Variants in ODAD3 observed in about 807,000 individuals in gnomAD.
ODAD3 encodes outer dynein arm docking complex subunit 3.
A neutral mutation model predicts 70.9 loss-of-function variants in ODAD3; 57 were observed. That is an observed-to-expected ratio of 0.80 (90% CI 0.65 to 1.00). ODAD3 has a LOEUF of 1.00. ODAD3 is among the 50% of genes least tolerant of loss of function. The probability of loss-of-function intolerance (pLI) is 0.00; values close to 1 mark genes in which losing one functional copy is unlikely to be tolerated. For synonymous variants in ODAD3, 327 were observed against 315.9 expected (o/e 1.04, Z -0.37); for missense variants, 797 against 763.9 (o/e 1.04, Z -0.51).
upstream of ODAD3, chr19:11,435,739 C>T: frequency 1.5e-6 from 2 of 1,350,442 alleles, no homozygotes; most frequent in Non-Finnish European, 1.9e-6. Context: ...GAGGGCACCT[C>T]AGTTTCTTAC....
intron 3 of ODAD3, 178 bp downstream of exon 3, chr19:11,430,521 C>T (rs1471428005): frequency 1.6e-6 from 1 of 638,528 alleles, no homozygotes; most frequent in Non-Finnish European, 2.8e-6. Context: ...TTTTTCACTG[C>T]ATTTACTACC....
chr19:11,428,373 C>T (rs550633875), intron 3 of ODAD3, among the ~76,000 whole-genome samples: 38 of 152,128 alleles, frequency 2.5e-4, no homozygotes, highest in Non-Finnish European at 8.8e-5. Flanking sequence ...TCCTCAGTTG[C>T]TGGGACCACA....
rs1018335601 is a variant in ODAD3, at chr19:11,425,371, A to G, written c.963+773T>C. ...TATATGTGTATATGTACATATGTGT[A>G]TATATGTGTGTATGTACATATGTGT... On this transcript the variant is annotated intron_variant, in intron 7 of 12. Coordinates refer to ENST00000356392, the MANE Select transcript of ODAD3 (RefSeq NM_145045.5). 2.0e-4 allele frequency among the ~76,000 whole-genome samples: 26 copies of G among 132,880 alleles called. 3 individuals are homozygous for G. The East Asian group carries it at 2.4e-3, about 12-fold the overall frequency. The allele number at this position is 132,880 out of a possible 152,430, so 87.2% of individuals were successfully genotyped here. A position where few individuals can be genotyped will look rare whatever the true frequency, so the allele number is the denominator to read the frequency against.
At chr19:11,432,345 C>T (rs528508620) in intron 1 of ODAD3, among the ~76,000 whole-genome samples, 2 of 152,140 alleles carry the variant, frequency 1.3e-5, no homozygotes, top group African/African-American at 4.8e-5. Context: ...ACCTCCTGAG[C>T]TCAAGCAGTC....
Position 11,431,349 on chromosome 19 carries a change from GT to G in ODAD3, c.245-330del. ...TGGTCTCGAACTCCTGACCTCAGGT[GT>G]TCCCAAAGTTCTAGGCCCCCTAAAG... On this transcript the variant is annotated intron_variant, in intron 1 of 12. Transcript: ENST00000356392. 3 of 275,102 alleles carry G rather than the reference GT, an allele frequency of 1.1e-5. No individual in the cohort carries two copies. The East Asian group carries it at 3.0e-4, about 27-fold the overall frequency. 17.0% of individuals were successfully genotyped at this position (275,102 alleles called of 1,614,324 possible).
At chr19:11,431,487 T>G (rs903498311) in intron 1 of ODAD3, among the ~76,000 whole-genome samples, 6 of 151,466 alleles carry the variant, frequency 4.0e-5, no homozygotes, top group Non-Finnish European at 7.4e-5. Context: ...CTACTAAAAA[T>G]ACAAAAATTA....
intron 7 of ODAD3, among the ~76,000 whole-genome samples, chr19:11,424,466 G>T (rs867171998): frequency 6.7e-6 from 1 of 149,714 alleles, no homozygotes; most frequent in East Asian, 1.9e-4. Context: ...TAGTCTGAGC[G>T]ACAGAGACCG....
At chr19:11,425,381 GTATGTACATATGTGTA>G (rs1228432702) in intron 7 of ODAD3, among the ~76,000 whole-genome samples, 2 of 101,180 alleles carry the variant, frequency 2.0e-5, no homozygotes, top group East Asian at 4.9e-4. Context: ...ATATATGTGT[GTATGTACATATGTGTA>G]TATGTATATA....
intron 12 of ODAD3, 69 bp from the exon 13 acceptor site, chr19:11,421,016 C>T (rs1448577653): frequency 6.3e-7 from 1 of 1,585,018 alleles, no homozygotes; most frequent in Non-Finnish European, 8.7e-7. Context: ...CTCCCCTTCC[C>T]TTTACCACCC....
At chr19:11,432,211 T>C (rs1381825766) in intron 1 of ODAD3, among the ~76,000 whole-genome samples, 1 of 152,198 alleles carries the variant, frequency 6.6e-6, no homozygotes, top group Non-Finnish European at 1.5e-5. Flanking sequence ...GTTGTCCCTC[T>C]GTATACTCAG....
At chr19:11,435,268 G>GT (rs527451328), upstream of ODAD3, 25,070 of 1,246,486 alleles carry the variant, frequency 0.02, 305 homozygotes, top group Middle Eastern at 0.039. Context: ...TAGAGGGGCG[G>GT]TCCCAACAGT....
At chr19:11,421,905 TTTTCTTTCGGGGGCGGGGCC>T (rs1186185390) in intron 10 of ODAD3, 73 bp from the exon 11 acceptor site, 2 of 1,514,932 alleles carry the variant, frequency 1.3e-6, no homozygotes, top group East Asian at 4.6e-5. Context: ...GGGGCGGGGC[TTTTCTTTCGGGGGCGGGGCC>T]TAGGAGGTAA....
At chr19:11,425,463 GTA>G (rs1167658538) in intron 7 of ODAD3, among the ~76,000 whole-genome samples, 2,706 of 118,074 alleles carry the variant, frequency 0.023, 161 homozygotes, top group African/African-American at 0.074. Context: ...ATATGTGTGT[GTA>G]TATATGTATA....
intron 11 of ODAD3, 131 bp downstream of exon 11, chr19:11,421,546 G>A (rs1358480192): frequency 1.1e-5 from 14 of 1,244,112 alleles, no homozygotes; most frequent in Non-Finnish European, 1.6e-5. Context: ...AACCTCGCCC[G>A]TTGTCCCCGA....
At chr19:11,425,123 A>C (rs185868593) in intron 7 of ODAD3, among the ~76,000 whole-genome samples, 3 of 133,008 alleles carry the variant, frequency 2.3e-5, no homozygotes, top group Admixed American at 7.2e-5. Context: ...GTATATGTAC[A>C]TATGTGTATA....
Position 11,425,273 on chromosome 19 carries a change from G to A in ODAD3, c.963+871C>T, listed in dbSNP as rs372605632. ...TATGTATATGTACATATGTGTATAT[G>A]TGTGTATATGTACATATGTGTATAT... is the stretch of plus-strand genomic sequence containing the variant. On this transcript the variant is annotated intron_variant, in intron 7 of 12. Transcript: ENST00000356392. 5.2e-4 allele frequency among the ~76,000 whole-genome samples: 65 copies of A among 124,152 alleles called. 8 individuals carry two copies. The highest frequency in any genetic ancestry group is 1.1e-3 in the African/African-American group (26 of 22,626). The allele number at this position is 124,152 out of a possible 152,430, so 81.4% of individuals were successfully genotyped here.
At chr19:11,426,635 G>A in intron 5 of ODAD3, 48 bp downstream of exon 5, 1 of 1,613,494 alleles carries the variant, frequency 6.2e-7, no homozygotes, top group Non-Finnish European at 8.5e-7. Flanking sequence ...CCCTAGCCAA[G>A]CCCGCCCTCC....
In ODAD3 at chr19:11,422,385, A is replaced by G. The variant is rs1969158621; in HGVS notation, c.1434+86T>C. The stretch of plus-strand genomic sequence containing the variant: ...GTGGCAGGCCACGTTCCCTCGGGCA[A>G]GCTGGTGTGGCAGGAACCCCGCTTC... On this transcript the variant is annotated intron_variant, in intron 10 of 12. Coordinates refer to ENST00000356392, the MANE Select transcript of ODAD3 (RefSeq NM_145045.5). The surrounding 1 kb of genome is among the most constrained non-coding windows in gnomAD (Gnocchi z 4.6). 1 of 1,432,686 alleles carries G rather than the reference A, an allele frequency of 7.0e-7. No individual in the cohort carries two copies. Among genetic ancestry groups the G allele is most frequent in the African/African-American group, 1.4e-5 (1 of 69,802 alleles). 88.7% of individuals were successfully genotyped at this position (1,432,686 alleles called of 1,614,324 possible).
chr19:11,420,611 C>A lies in ODAD3; in HGVS notation c.*224G>T. 1.7e-6 allele frequency: 1 copy of A among 582,086 alleles called. No individual in the cohort carries two copies. Among genetic ancestry groups the A allele is most frequent in the Non-Finnish European group, 3.1e-6 (1 of 326,340 alleles). The allele number at this position is 582,086 out of a possible 1,614,324, so 36.1% of individuals were successfully genotyped here. A position where few individuals can be genotyped will look rare whatever the true frequency, so the allele number is the denominator to read the frequency against. On this transcript the variant is annotated 3_prime_UTR_variant, in exon 13 of 13. Transcript: ENST00000356392. ...ACAGATGAATACCCAGGGGCATGGT[C>A]GGTAACATTTATTGCGCAACTCTGA... is the stretch of plus-strand genomic sequence containing the variant.
Sources: gnomAD v4.1 joint callset for allele counts (sites outside exome capture counted in the v4.1 genomes callset) on GRCh38, gnomAD v4.1.1 for gene constraint, Gnocchi (gnomAD v3.1) non-coding constraint, MANE v1.5 for transcripts, NCBI Gene and HGNC (gene_info 2026-07-23, HGNC 2026-07-21) for gene names.